The following SRPRA variants were observed in gnomAD, a reference collection of about 807,000 sequenced individuals.
SRPRA encodes signal recognition particle receptor subunit alpha.
Under a neutral mutation model 61.1 loss-of-function variants are expected in SRPRA, and 30 were observed. That is an observed-to-expected ratio of 0.49 (90% CI 0.37 to 0.67). SRPRA has a LOEUF of 0.67. Ranked by LOEUF, SRPRA falls within the 30% of genes least tolerant of loss-of-function variation. The pLI is 0.00. For synonymous variants in SRPRA, 324 were observed against 299.7 expected, an observed-to-expected ratio of 1.08 and a Z score of -0.84; for missense variants, 759 against 828.4, an observed-to-expected ratio of 0.92 and a Z score of 1.03.
rs1565344624 is a variant in SRPRA, at chr11:126,263,556, T to C, written c.*360A>G. ...CTTAACCTAATGCAGCTGGGACTCATTAGGCTCAGACGGCTCTTGACCACA... is the reference window on the plus strand; with the variant it reads ...CTTAACCTAATGCAGCTGGGACTCACTAGGCTCAGACGGCTCTTGACCACA... On this transcript the variant is annotated 3_prime_UTR_variant, in exon 14 of 14. Transcript: ENST00000332118. 5.0e-6 allele frequency: 1 copy of C among 200,796 alleles called. No homozygotes were observed. Among genetic ancestry groups the C allele is most frequent in the Non-Finnish European group, 1.0e-5 (1 of 96,906 alleles). The allele number at this position is 200,796 out of a possible 1,614,324, so 12.4% of individuals were successfully genotyped here.
chr11:126,241,148 G>A, the SRPRA span: 1 of 1,217,418 alleles, frequency 8.2e-7, no homozygotes, highest in East Asian at 2.4e-5. Flanking sequence ...ATGTAACAGG[G>A]ATATTCATTT....
the SRPRA span, among the ~76,000 whole-genome samples, chr11:126,241,848 C>G: frequency 6.6e-6 from 1 of 152,022 alleles, no homozygotes; most frequent in African/African-American, 2.4e-5. Flanking sequence ...CTGCACCCAG[C>G]CTGTTTTAAA....
chr11:126,242,941 T>C, the SRPRA span, among the ~76,000 whole-genome samples: 1 of 152,222 alleles, frequency 6.6e-6, no homozygotes, highest in Non-Finnish European at 1.5e-5. Flanking sequence ...TTATTCATAA[T>C]AGCCAAAATA....
At chr11:126,262,415 C>G (rs1950719873), downstream of SRPRA, 2 of 485,900 alleles carry the variant, frequency 4.1e-6, no homozygotes, top group Non-Finnish European at 7.3e-6. Flanking sequence ...TGTGTCCACA[C>G]AGCACACCAA....
At chr11:126,262,122 T>G, downstream of SRPRA, 1 of 1,614,140 alleles carries the variant, frequency 6.2e-7, no homozygotes, top group Non-Finnish European at 8.5e-7. Context: ...CCCTACAGGC[T>G]GTAGTACATG....
the SRPRA span, among the ~76,000 whole-genome samples, chr11:126,251,313 G>GT: frequency 6.6e-6 from 1 of 152,174 alleles, no homozygotes; most frequent in Non-Finnish European, 1.5e-5. Context: ...TTTTTGTAAT[G>GT]TTTTTTCCTA....
intron 1 of SRPRA, 115 bp from the exon 2 acceptor site, chr11:126,268,201 TC>T: frequency 3.6e-6 from 3 of 836,252 alleles, no homozygotes; most frequent in Non-Finnish European, 3.9e-6. Context: ...CTCAAATCTG[TC>T]CCCAGGACAA....
At chr11:126,243,632 G>A in the SRPRA span, among the ~76,000 whole-genome samples, 2 of 152,062 alleles carry the variant, frequency 1.3e-5, no homozygotes, top group Non-Finnish European at 2.9e-5. Flanking sequence ...GGCCAGGTGC[G>A]GTGGCTCACA....
downstream of SRPRA, among the ~76,000 whole-genome samples, chr11:126,258,073 T>C (rs977452128): frequency 6.6e-5 from 10 of 152,212 alleles, no homozygotes; most frequent in African/African-American, 2.4e-4. Flanking sequence ...TGAAAACTTA[T>C]GTAAGTATTT....
At chr11:126,237,401 T>A in the SRPRA span, among the ~76,000 whole-genome samples, 49 of 143,432 alleles carry the variant, frequency 3.4e-4, no homozygotes, top group African/African-American at 1.1e-3. Context: ...TTATTTTATT[T>A]ATTTATTTAT....
chr11:126,256,315 A>G, the SRPRA span, among the ~76,000 whole-genome samples: 5 of 152,254 alleles, frequency 3.3e-5, no homozygotes, highest in African/African-American at 1.2e-4. The surrounding 1 kb of genome is among the most constrained non-coding windows in gnomAD (Gnocchi z 6.6). Context: ...CTGCACCAGT[A>G]CACTGACACC....
At chr11:126,255,914 C>T in the SRPRA span, among the ~76,000 whole-genome samples, 1 of 152,126 alleles carries the variant, frequency 6.6e-6, no homozygotes, top group Non-Finnish European at 1.5e-5. The surrounding 1 kb of genome is among the most constrained non-coding windows in gnomAD (Gnocchi z 4.6). Flanking sequence ...CAAGACCATG[C>T]CACTGCACTC....
chr11:126,250,530 T>A, the SRPRA span: 1 of 1,613,762 alleles, frequency 6.2e-7, no homozygotes, highest in Non-Finnish European at 8.5e-7. The surrounding 1 kb of genome is among the most constrained non-coding windows in gnomAD (Gnocchi z 5.1). Context: ...TCGATCCACA[T>A]TTTTCAAGGA....
chr11:126,265,078 G>A lies in SRPRA; in HGVS notation c.1406C>T (p.Thr469Ile). The change falls in exon 11 of 14, where the codon ACC becomes ATC. Residue 469 changes from threonine (T) to isoleucine (I), a missense_variant. Around this residue, in one of 2 missense-constraint regions of SRPRA, gnomAD observed 284 missense variants for 365.9 expected, o/e 0.78. Coordinates refer to ENST00000332118, the MANE Select transcript of SRPRA (RefSeq NM_003139.4). This position sits in a 1 kb window ranked among gnomAD's most constrained non-coding sequence, Gnocchi z 6.3. Reference sequence around the variant, plus strand: ...AGGGTGTAGGGCACTCAAACGCCGGGTGTGTGTACGCAGCTGCTCCACGGC... The same window carrying A: ...AGGGTGTAGGGCACTCAAACGCCGGATGTGTGTACGCAGCTGCTCCACGGC... ...AGAVEQLRTH[T>I]RRLSALHPPE... 2 of 1,614,174 alleles carry A rather than the reference G, an allele frequency of 1.2e-6. No individual in the cohort carries two copies. The highest frequency in any genetic ancestry group is 1.1e-5 in the South Asian group (1 of 91,080).
chr11:126,267,230 C>A lies in SRPRA; in HGVS notation c.471G>T (p.Gly157=). The part of the protein sequence containing the change: ...KPVRSMIETR[G]EKPKEKAKNS... Reference sequence around the variant, plus strand: ...TCTTTGCTTTTTCCTTGGGCTTTTCCCCCCGTGTCTCAATCATGGACCTCA... The same window carrying A: ...TCTTTGCTTTTTCCTTGGGCTTTTCACCCCGTGTCTCAATCATGGACCTCA... The change falls in exon 4 of 14, where the codon GGG becomes GGT. Residue 157 remains glycine (G), a synonymous_variant. Coordinates refer to ENST00000332118, the MANE Select transcript of SRPRA (RefSeq NM_003139.4). This position sits in a 1 kb window ranked among gnomAD's most constrained non-coding sequence, Gnocchi z 4.2. 1.2e-5 allele frequency: 19 copies of A among 1,614,110 alleles called. No homozygotes were observed. Among genetic ancestry groups the A allele is most frequent in the Non-Finnish European group, 1.5e-5 (18 of 1,180,036 alleles).
At chr11:126,239,607 A>G in the SRPRA span, among the ~76,000 whole-genome samples, 1 of 152,094 alleles carries the variant, frequency 6.6e-6, no homozygotes, top group Admixed American at 6.5e-5. Flanking sequence ...TGTCTGGTAC[A>G]TACAGGTTTT....
downstream of SRPRA, among the ~76,000 whole-genome samples, chr11:126,258,406 G>A (rs1458738605): frequency 2.0e-5 from 3 of 152,082 alleles, no homozygotes; most frequent in Non-Finnish European, 2.9e-5. Context: ...TAACATACAG[G>A]TAATTTAATA....
rs1287646150 is a variant in SRPRA, at chr11:126,265,772, T to A, written c.1103A>T (p.Asn368Ile). Residue 368 changes from asparagine to isoleucine, a missense_variant, in exon 9 of 14, where the codon AAC (asparagine) becomes ATC (isoleucine). Physicochemically the swap from Asn to Ile is moderately radical, Grantham distance 149. This residue lies in a region of SRPRA where 475 missense variants were observed against 462.5 expected (regional missense o/e 1.03). Transcript: ENST00000332118. The surrounding 1 kb of genome is among the most constrained non-coding windows in gnomAD (Gnocchi z 6.3). The part of the protein sequence containing the change: ...IAVQLCESVA[N>I]KLEGKVMGTF... ...CCCCATCACCTTCCCTTCCAACTTG[T>A]TGGCAACAGATTCACAGAGCTGGAC... 1 of 1,614,250 alleles carries A rather than the reference T, an allele frequency of 6.2e-7. No individual in the cohort carries two copies. The highest frequency in any genetic ancestry group is 8.5e-7 in the Non-Finnish European group (1 of 1,180,048).
At chr11:126,248,480 C>T in the SRPRA span, among the ~76,000 whole-genome samples, 1 of 141,322 alleles carries the variant, frequency 7.1e-6, no homozygotes, top group Non-Finnish European at 1.5e-5. Context: ...AAGCGATTCT[C>T]CTGCCTCAGC....
Sources: allele counts gnomAD v4.1 joint callset (sites outside exome capture counted in the v4.1 genomes callset), GRCh38; gene constraint gnomAD v4.1.1; regional missense constraint gnomAD v4.1.1; non-coding constraint Gnocchi (gnomAD v3.1); transcripts MANE v1.5; gene names NCBI Gene and HGNC (gene_info 2026-07-23, HGNC 2026-07-21).